Variants in FA2H observed in about 807,000 individuals in gnomAD.
FA2H encodes the protein fatty acid alpha-hydroxylase.
A neutral mutation model predicts 44.9 loss-of-function variants in FA2H; 22 were observed. The observed-to-expected ratio is 0.49, with a 90% CI of 0.35 to 0.70. The LOEUF is 0.70. Ranked by LOEUF, FA2H falls within the 30% of genes least tolerant of loss-of-function variation. FA2H has a pLI of 0.01. For synonymous variants in FA2H, 243 were observed against 213.2 expected (o/e 1.14, Z -1.22); for missense variants, 501 against 504.9 (o/e 0.99, Z 0.07).
At position 74,738,842 on chromosome 16, in the gene FA2H, A is replaced by G. The variant is rs566407378; in HGVS notation, c.363+1181T>C. 5.9e-5 allele frequency among the ~76,000 whole-genome samples: 9 copies of G among 152,334 alleles called. No homozygotes were observed. The East Asian group carries it at 1.5e-3, about 26-fold the overall frequency. On this transcript the variant is annotated intron_variant, in intron 2 of 6. Transcript: ENST00000219368. ...AACCAGGTCCCAGCTCGCCGGCTGC[A>G]TGGCCGGGCAGCCTTTCCTCTGGCT...
intron 1 of FA2H, among the ~76,000 whole-genome samples, chr16:74,767,187 T>C (rs1052681346): frequency 6.6e-6 from 1 of 152,216 alleles, no homozygotes; most frequent in South Asian, 2.1e-4. Flanking sequence ...TGTGTGCCTG[T>C]AATCCCAGCT....
At chr16:74,770,576 G>A (rs963263580) in intron 1 of FA2H, among the ~76,000 whole-genome samples, 3 of 152,148 alleles carry the variant, frequency 2.0e-5, no homozygotes, top group Non-Finnish European at 4.4e-5. Context: ...TCACCATGTT[G>A]CCCAGGCTGG....
chr16:74,744,449 C>G (rs1403022260), intron 1 of FA2H, among the ~76,000 whole-genome samples: 2 of 138,318 alleles, frequency 1.4e-5, no homozygotes, highest in East Asian at 4.6e-4. Flanking sequence ...CCAGATGATG[C>G]CTTTTTTTTT....
intron 2 of FA2H, among the ~76,000 whole-genome samples, chr16:74,737,642 C>T (rs74875503): frequency 1.3e-5 from 2 of 152,170 alleles, no homozygotes; most frequent in Admixed American, 1.3e-4. Context: ...AAACTGGGCC[C>T]CGGGAGGCCA....
At chr16:74,755,163 T>TTC (rs916457349) in intron 1 of FA2H, among the ~76,000 whole-genome samples, 1 of 151,282 alleles carries the variant, frequency 6.6e-6, no homozygotes, top group Non-Finnish European at 1.5e-5. Context: ...ATTTGTGTTT[T>TTC]TTTTTTTGGC....
At chr16:74,716,959 A>G in intron 5 of FA2H, 1 of 247,656 alleles carries the variant, frequency 4.0e-6, no homozygotes, top group Non-Finnish European at 7.9e-6. Flanking sequence ...CCATCCCTAA[A>G]TGCCGTGCCC....
intron 2 of FA2H, among the ~76,000 whole-genome samples, chr16:74,737,830 C>T (rs572739087): frequency 1.3e-5 from 2 of 152,270 alleles, no homozygotes; most frequent in South Asian, 4.1e-4. Context: ...CTCCATGTCC[C>T]GATCCAAAAG....
At chr16:74,716,768 T>C in intron 5 of FA2H, 169 bp from the exon 6 acceptor site, 2 of 689,098 alleles carry the variant, frequency 2.9e-6, no homozygotes, top group Non-Finnish European at 4.7e-6. Context: ...GTCTGGAAGA[T>C]CTGGAGAGAC....
At chr16:74,728,628 T>C (rs1315661145) in intron 2 of FA2H, among the ~76,000 whole-genome samples, 3 of 152,146 alleles carry the variant, frequency 2.0e-5, no homozygotes, top group African/African-American at 7.2e-5. Context: ...GAGTTGCTTA[T>C]TCTCCAGGCC....
At chr16:74,729,004 ATTTTTTTT>A (rs35360701) in intron 2 of FA2H, among the ~76,000 whole-genome samples, 263 of 38,974 alleles carry the variant, frequency 6.7e-3, no homozygotes, top group Non-Finnish European at 0.01. Flanking sequence ...GATGGTCTTG[ATTTTTTTT>A]TTTTTTTTTT....
intron 1 of FA2H, among the ~76,000 whole-genome samples, chr16:74,761,897 TGAAG>T (rs1962719137): frequency 6.6e-6 from 1 of 152,234 alleles, no homozygotes; most frequent in Admixed American, 6.5e-5. Context: ...GGGCAATGAA[TGAAG>T]GAAGAAGCCT....
At chr16:74,774,243 C>G (rs972456445) in intron 1 of FA2H, among the ~76,000 whole-genome samples, 3 of 151,898 alleles carry the variant, frequency 2.0e-5, no homozygotes, top group Admixed American at 6.6e-5. Flanking sequence ...AATGGGAGAG[C>G]TGGCACGGAG....
At chr16:74,718,933 C>T (rs2144606011) in intron 5 of FA2H, 55 bp downstream of exon 5, 8 of 1,597,840 alleles carry the variant, frequency 5.0e-6, no homozygotes, top group South Asian at 1.1e-5. Context: ...GGCTGGCTGC[C>T]GGGCCCTCTC....
At chr16:74,772,112 G>A (rs148036254) in intron 1 of FA2H, among the ~76,000 whole-genome samples, 7 of 152,156 alleles carry the variant, frequency 4.6e-5, no homozygotes, top group East Asian at 1.9e-4. Flanking sequence ...ACGAAGCCCC[G>A]TGTGATGTGG....
intron 2 of FA2H, among the ~76,000 whole-genome samples, chr16:74,730,831 C>T (rs1242776242): frequency 2.0e-5 from 3 of 152,132 alleles, no homozygotes; most frequent in Admixed American, 6.6e-5. Flanking sequence ...CCTAACTAGG[C>T]GTGTATTCTA....
At chr16:74,731,351 C>A (rs1962068530) in intron 2 of FA2H, among the ~76,000 whole-genome samples, 1 of 150,934 alleles carries the variant, frequency 6.6e-6, no homozygotes, top group African/African-American at 2.4e-5. Flanking sequence ...CCATGTTGGC[C>A]ATGATGGTCT....
At chr16:74,747,512 G>T (rs1338028618) in intron 1 of FA2H, among the ~76,000 whole-genome samples, 3 of 152,124 alleles carry the variant, frequency 2.0e-5, no homozygotes, top group African/African-American at 7.2e-5. Context: ...CTAACCCCCA[G>T]TGTCTCAGAA....
rs1961620241 is a variant in FA2H, at chr16:74,713,429, G to T, written c.*761C>A. 1 of 152,344 alleles carries T rather than the reference G, an allele frequency of 6.6e-6. No individual in the cohort carries two copies. The highest frequency in any genetic ancestry group is 1.5e-5 in the Non-Finnish European group (1 of 68,128). The allele number at this position is 152,344 out of a possible 1,614,324, so 9.4% of individuals were successfully genotyped here. ...GAGCGCCCGAGTAGGGGCCTGAGCG[G>T]GGTGGAGGCCAAGAATGGCCAGGGA... On this transcript the variant is annotated 3_prime_UTR_variant, in exon 7 of 7. Coordinates refer to ENST00000219368, the MANE Select transcript of FA2H (RefSeq NM_024306.5).
At position 74,774,787 on chromosome 16, in the gene FA2H, C is replaced by A; in HGVS notation, c.-32G>T. 1.6e-6 allele frequency: 2 copies of A among 1,276,378 alleles called. No individual in the cohort carries two copies. The highest frequency in any genetic ancestry group is 2.8e-5 in the South Asian group (1 of 35,440). 79.1% of individuals were successfully genotyped at this position (1,276,378 alleles called of 1,614,324 possible). On this transcript the variant is annotated 5_prime_UTR_variant, in exon 1 of 7. Coordinates refer to ENST00000219368, the MANE Select transcript of FA2H (RefSeq NM_024306.5). Reference sequence around the variant, plus strand: ...AGACCGCAGCTCCCAGCGCGCAGCCCGGCGTCTGCTCTGCTGCCACCCTGA... The same window carrying A: ...AGACCGCAGCTCCCAGCGCGCAGCCAGGCGTCTGCTCTGCTGCCACCCTGA...
Sources: gnomAD v4.1 joint callset for allele counts (sites outside exome capture counted in the v4.1 genomes callset) on GRCh38, gnomAD v4.1.1 for gene constraint, MANE v1.5 for transcripts, NCBI Gene and HGNC (gene_info 2026-07-23, HGNC 2026-07-21) for gene names.